Variants in GLIS1 observed in about 807,000 individuals in gnomAD.
GLIS1 encodes the protein zinc finger protein GLIS1.
GLIS1 carries 24 observed loss-of-function variants against 63.8 expected under a neutral mutation model. The observed-to-expected ratio is 0.38, with a 90% confidence interval of 0.27 to 0.53. GLIS1 has a LOEUF of 0.53. Among genes scored for constraint, GLIS1 ranks in the 20% least tolerant of loss-of-function variants. GLIS1 has a pLI of 0.85. For synonymous variants in GLIS1, 450 were observed against 482.5 expected, an observed-to-expected ratio of 0.93 and a Z score of 0.88; for missense variants, 1,036 against 1,074.1, an observed-to-expected ratio of 0.96 and a Z score of 0.50.
At chr1:53,596,627 T>C (rs186608452) in intron 3 of GLIS1, among the ~76,000 whole-genome samples, 1 of 152,322 alleles carries the variant, frequency 6.6e-6, no homozygotes, top group African/African-American at 2.4e-5. Flanking sequence ...TGGGGCTCTC[T>C]GCAGCCAGAG....
At chr1:53,633,341 G>A (rs545804874) in intron 2 of GLIS1, among the ~76,000 whole-genome samples, 4 of 144,632 alleles carry the variant, frequency 2.8e-5, no homozygotes, top group Admixed American at 6.8e-5. Context: ...GCTGAGGGGC[G>A]TGTGAATGGC....
rs116924396 is a variant in GLIS1 at position 53,692,381 on chromosome 1, C to T, written c.259+45425G>A. ...TAAAATAGCAATGGTATCCAATGTA[C>T]TTGAGATGTGCATGGAAAGAATGTG... On this transcript the variant is annotated intron_variant, in intron 2 of 10. Coordinates refer to ENST00000628545, the MANE Select transcript of GLIS1 (RefSeq NM_001367484.1). Among the ~76,000 whole-genome samples the T allele has an allele frequency of 7.8e-4, 119 of 152,290 alleles. 1 individual carries two copies. In the East Asian group the frequency reaches 0.017, roughly 22 times the overall value.
intron 4 of GLIS1, among the ~76,000 whole-genome samples, chr1:53,584,273 A>G (rs908445668): frequency 7.9e-5 from 12 of 152,180 alleles, no homozygotes; most frequent in Non-Finnish European, 1.5e-4. Flanking sequence ...TTGAGGCTCA[A>G]TTCCGATGTT....
At chr1:53,728,721 G>C (rs1011554553) in intron 2 of GLIS1, among the ~76,000 whole-genome samples, 2 of 152,224 alleles carry the variant, frequency 1.3e-5, no homozygotes, top group Non-Finnish European at 2.9e-5. Context: ...ATAAAAAGAA[G>C]CCCACAGATT....
intron 2 of GLIS1, among the ~76,000 whole-genome samples, chr1:53,628,705 C>T (rs1300263885): frequency 1.3e-5 from 2 of 152,160 alleles, no homozygotes; most frequent in African/African-American, 4.8e-5. Context: ...CATCACCTAG[C>T]AGGTCTAAGC....
intron 4 of GLIS1, among the ~76,000 whole-genome samples, chr1:53,588,835 C>T (rs1457639412): frequency 6.6e-6 from 1 of 152,234 alleles, no homozygotes; most frequent in African/African-American, 2.4e-5. Flanking sequence ...GCAGGTCATA[C>T]AGAGCAAGCC....
At chr1:53,660,276 C>T (rs2948047) in intron 2 of GLIS1, among the ~76,000 whole-genome samples, 18,904 of 152,230 alleles carry the variant, frequency 0.12, 1,253 homozygotes, top group South Asian at 0.19. Context: ...CCATGCCTCC[C>T]TTGCCCCAGC....
chr1:53,694,667 G>A (rs560309462), intron 2 of GLIS1, among the ~76,000 whole-genome samples: 22 of 152,292 alleles, frequency 1.4e-4, no homozygotes, highest in African/African-American at 4.8e-4. Context: ...TCAAGGGCTC[G>A]GACCTGGGAC....
chr1:53,525,098 G>C (rs1047471413), intron 5 of GLIS1, among the ~76,000 whole-genome samples: 1 of 152,172 alleles, frequency 6.6e-6, no homozygotes, highest in Non-Finnish European at 1.5e-5. Flanking sequence ...ACCATCCTGG[G>C]ACCTCAGGTC....
intron 4 of GLIS1, among the ~76,000 whole-genome samples, chr1:53,585,768 G>T (rs994659003): frequency 3.3e-5 from 5 of 152,250 alleles, no homozygotes; most frequent in African/African-American, 7.2e-5. Flanking sequence ...GCAGGCAGGA[G>T]TACTGGAATG....
chr1:53,734,876 G>T (rs985035590), intron 2 of GLIS1, among the ~76,000 whole-genome samples: 2 of 152,182 alleles, frequency 1.3e-5, no homozygotes, highest in African/African-American at 4.8e-5. Context: ...GCAGCATCTG[G>T]CAATTTGGCT....
chr1:53,528,752 T>G (rs1644497130), intron 5 of GLIS1, among the ~76,000 whole-genome samples: 1 of 152,098 alleles, frequency 6.6e-6, no homozygotes, highest in Non-Finnish European at 1.5e-5. Flanking sequence ...GGGCCCCTGT[T>G]TCCTCCTCAT....
intron 2 of GLIS1, among the ~76,000 whole-genome samples, chr1:53,612,812 T>C (rs1031319550): frequency 1.9e-4 from 24 of 124,974 alleles, no homozygotes; most frequent in Non-Finnish European, 3.1e-4. Context: ...TCATTAGTTC[T>C]TTGATGCCTT....
At chr1:53,667,217 C>T (rs186003097) in intron 2 of GLIS1, among the ~76,000 whole-genome samples, 246 of 152,352 alleles carry the variant, frequency 1.6e-3, no homozygotes, top group Middle Eastern at 0.01. Flanking sequence ...GGCACCTGCA[C>T]GCCCACAACG....
intron 2 of GLIS1, among the ~76,000 whole-genome samples, chr1:53,652,075 G>A (rs796288094): frequency 6.6e-6 from 1 of 152,146 alleles, no homozygotes; most frequent in Non-Finnish European, 1.5e-5. Context: ...AAGACTACAG[G>A]ATTCAGAGTC....
At chr1:53,570,008 T>C (rs910725081) in intron 4 of GLIS1, among the ~76,000 whole-genome samples, 7 of 152,152 alleles carry the variant, frequency 4.6e-5, no homozygotes, top group African/African-American at 4.8e-5. Context: ...CCCAACCAAA[T>C]TGATCTATAG....
intron 2 of GLIS1, among the ~76,000 whole-genome samples, chr1:53,618,732 C>G (rs1264300460): frequency 6.6e-6 from 1 of 152,152 alleles, no homozygotes; most frequent in African/African-American, 2.4e-5. Flanking sequence ...GCCAACATTG[C>G]CAAGGAGAAA....
intron 2 of GLIS1, among the ~76,000 whole-genome samples, chr1:53,713,480 AC>A (rs779984584): frequency 1.3e-5 from 2 of 151,106 alleles, no homozygotes; most frequent in Non-Finnish European, 2.9e-5. Context: ...TTTCAAGACC[AC>A]CCTGGGCAAA....
At chr1:53,640,402 A>G (rs1386806813) in intron 2 of GLIS1, among the ~76,000 whole-genome samples, 1 of 152,216 alleles carries the variant, frequency 6.6e-6, no homozygotes, top group Non-Finnish European at 1.5e-5. Context: ...AAAGCAGGCA[A>G]GTGACTCTAC....
Sources: allele counts gnomAD v4.1 joint callset (sites outside exome capture counted in the v4.1 genomes callset), GRCh38; gene constraint gnomAD v4.1.1; transcripts MANE v1.5; gene names NCBI Gene and HGNC (gene_info 2026-07-23, HGNC 2026-07-21).